The following TEX9 variants were observed in gnomAD, a reference collection of about 807,000 sequenced individuals.
TEX9 encodes testis expressed 9.
TEX9 carries 74 observed loss-of-function variants against 59.6 expected under a neutral mutation model. The ratio of observed to expected loss-of-function variants is 1.24; its 90% CI spans 1.03 to 1.51. TEX9 has a LOEUF of 1.51. Among genes scored for constraint, TEX9 ranks in the 40% most tolerant of loss-of-function variants. The probability of loss-of-function intolerance (pLI) is 0.00; values close to 1 mark genes in which losing one functional copy is unlikely to be tolerated. For missense variants in TEX9, 522 were observed against 447.8 expected (o/e 1.17, Z -1.49); for synonymous variants, 186 against 152.2 (o/e 1.22, Z -1.64).
chr15:56,392,195 T>G (rs2048248223), intron 7 of TEX9, among the ~76,000 whole-genome samples: 1 of 152,190 alleles, frequency 6.6e-6, no homozygotes, highest in Non-Finnish European at 1.5e-5. Flanking sequence ...AGTCTGTTCC[T>G]GCACTGCTAT....
chr15:56,393,028 C>T (rs1358785607), intron 7 of TEX9, among the ~76,000 whole-genome samples: 2 of 152,098 alleles, frequency 1.3e-5, no homozygotes, highest in African/African-American at 4.8e-5. Flanking sequence ...AAGATTAAAG[C>T]TAGGGTCGAG....
chr15:56,447,068 TC>T (rs2050910854), downstream of TEX9: 1 of 645,652 alleles, frequency 1.5e-6, no homozygotes, highest in East Asian at 2.8e-5. Context: ...TTATTTTAGA[TC>T]CATAGGAGAA....
chr15:56,351,794 C>T (rs1391298821), intron 1 of TEX9, among the ~76,000 whole-genome samples: 1 of 152,124 alleles, frequency 6.6e-6, no homozygotes, highest in Admixed American at 6.5e-5. Flanking sequence ...AAAGAGAAAA[C>T]TTCTTTTTGT....
chr15:56,377,884 G>T (rs1239460736), intron 3 of TEX9, among the ~76,000 whole-genome samples: 1 of 152,090 alleles, frequency 6.6e-6, no homozygotes, highest in Non-Finnish European at 1.5e-5. Flanking sequence ...TTATATTGAG[G>T]TCTGTTCCTT....
intron 1 of TEX9, among the ~76,000 whole-genome samples, chr15:56,266,013 C>T (rs981063739): frequency 6.6e-6 from 1 of 152,052 alleles, no homozygotes; most frequent in Non-Finnish European, 1.5e-5. Flanking sequence ...TTATCTAATA[C>T]CTTTTATTCT....
intron 1 of TEX9, among the ~76,000 whole-genome samples, chr15:56,347,258 G>T (rs896519425): frequency 3.3e-5 from 5 of 152,018 alleles, no homozygotes; most frequent in Admixed American, 3.3e-4. Flanking sequence ...AAATCCAGGG[G>T]AACTAAAACA....
intron 1 of TEX9, among the ~76,000 whole-genome samples, chr15:56,351,567 T>A (rs1422998919): frequency 2.0e-5 from 3 of 152,146 alleles, no homozygotes; most frequent in Non-Finnish European, 4.4e-5. Flanking sequence ...CTTCTTTGAA[T>A]GGAGAGAATG....
chr15:56,343,996 T>C (rs1446740253), intron 1 of TEX9, among the ~76,000 whole-genome samples: 1 of 152,134 alleles, frequency 6.6e-6, no homozygotes, highest in Non-Finnish European at 1.5e-5. Flanking sequence ...GAGATGGCTA[T>C]CTATATAAGA....
intron 1 of TEX9, chr15:56,323,302 C>T (rs1480311072): frequency 4.7e-6 from 1 of 212,140 alleles, no homozygotes; most frequent in East Asian, 1.1e-4. Context: ...GAAGATATGG[C>T]AAAGGTGGAC....
intron 10 of TEX9, among the ~76,000 whole-genome samples, chr15:56,426,385 T>G (rs568248529): frequency 6.6e-5 from 10 of 151,610 alleles, no homozygotes; most frequent in African/African-American, 2.4e-4. Flanking sequence ...GAATATGGCC[T>G]TTTCTTAGTT....
At chr15:56,376,367 C>G (rs1201246094) in intron 3 of TEX9, among the ~76,000 whole-genome samples, 4 of 152,150 alleles carry the variant, frequency 2.6e-5, no homozygotes, top group Non-Finnish European at 5.9e-5. Flanking sequence ...TACATTCCCA[C>G]CAACAGTGTA....
intron 1 of TEX9, among the ~76,000 whole-genome samples, chr15:56,265,379 C>T (rs1285323505): frequency 3.3e-5 from 5 of 151,802 alleles, no homozygotes; most frequent in African/African-American, 9.7e-5. Context: ...CCTCCTCTTG[C>T]CCAGGCTGGT....
At chr15:56,323,501 A>G (rs981617293) in intron 1 of TEX9, 3 of 199,138 alleles carry the variant, frequency 1.5e-5, no homozygotes, top group Non-Finnish European at 3.0e-5. Context: ...AACACTGCAC[A>G]AATGACAAGC....
intron 1 of TEX9, among the ~76,000 whole-genome samples, chr15:56,305,896 A>G (rs1452670720): frequency 6.6e-6 from 1 of 152,246 alleles, no homozygotes. Flanking sequence ...ACTAACCAGA[A>G]TATATAAGAA....
chr15:56,362,311 G>T (rs1046380509), upstream of TEX9, among the ~76,000 whole-genome samples: 14 of 152,120 alleles, frequency 9.2e-5, no homozygotes, highest in Middle Eastern at 3.2e-3. Context: ...ACCAGTTTTT[G>T]CCTCATGCAT....
chr15:56,341,410 G>A (rs946411486), intron 1 of TEX9, among the ~76,000 whole-genome samples: 3 of 152,152 alleles, frequency 2.0e-5, no homozygotes, highest in Non-Finnish European at 4.4e-5. Context: ...TGAATTATCA[G>A]TGTTCAACCT....
chr15:56,311,319 G>T (rs1485445126), intron 1 of TEX9, among the ~76,000 whole-genome samples: 1 of 123,924 alleles, frequency 8.1e-6, no homozygotes, highest in South Asian at 2.8e-4. Context: ...ACAGTCCCCA[G>T]AGTGTGATAT....
intron 10 of TEX9, 110 bp from the exon 11 acceptor site, chr15:56,427,495 A>G: frequency 1.4e-6 from 1 of 702,952 alleles, no homozygotes; most frequent in Non-Finnish European, 2.1e-6. Flanking sequence ...CAAAAATTTT[A>G]TATTTCAGTT....
At chr15:56,263,467 T>G (rs536107207) in intron 1 of TEX9, among the ~76,000 whole-genome samples, 12 of 152,328 alleles carry the variant, frequency 7.9e-5, no homozygotes, top group African/African-American at 2.9e-4. Flanking sequence ...CTCTCATCTG[T>G]TCTTTTTCCT....
Sources: allele counts gnomAD v4.1 joint callset (sites outside exome capture counted in the v4.1 genomes callset), GRCh38; gene constraint gnomAD v4.1.1; transcripts MANE v1.5; gene names NCBI Gene and HGNC (gene_info 2026-07-23, HGNC 2026-07-21).